The following PKIA variants were observed in gnomAD, a reference collection of about 807,000 sequenced individuals.
PKIA encodes PKI-alpha.
A neutral mutation model predicts 7.6 loss-of-function variants in PKIA; 4 were observed. That is an observed-to-expected ratio of 0.52 (90% CI 0.26 to 1.20). PKIA has a LOEUF of 1.20. PKIA is among the 50% of genes most tolerant of loss of function. PKIA has a pLI of 0.13. For missense variants in PKIA, 73 were observed against 86.2 expected, an observed-to-expected ratio of 0.85 and a Z score of 0.61; for synonymous variants, 21 against 30.7, an observed-to-expected ratio of 0.68 and a Z score of 1.04.
In PKIA at chr8:78,547,053, G is replaced by T. The variant is rs574375707; in HGVS notation, c.-156-25758G>T. ...CATACAGTTAATCATCACAAATACT[G>T]AAGGTTTGAATCAGAAAAGAAAAAA... On this transcript the variant is annotated intron_variant, in intron 1 of 3. Transcript: ENST00000396418. 2.6e-5 allele frequency among the ~76,000 whole-genome samples: 4 copies of T among 152,092 alleles called. No homozygotes were observed. The South Asian group carries it at 8.3e-4, about 32-fold the overall frequency.
chr8:78,569,102 C>T (rs1269100631), intron 1 of PKIA, among the ~76,000 whole-genome samples: 3 of 152,166 alleles, frequency 2.0e-5, no homozygotes, highest in Non-Finnish European at 2.9e-5. Flanking sequence ...CTCTACTTGC[C>T]ATCAGCAACA....
At chr8:78,525,211 A>C (rs549023903) in intron 1 of PKIA, among the ~76,000 whole-genome samples, 1 of 151,942 alleles carries the variant, frequency 6.6e-6, no homozygotes, top group Admixed American at 6.6e-5. Context: ...CAACTATAGC[A>C]GATGGGGACT....
chr8:78,545,384 G>T (rs765402678), intron 1 of PKIA, among the ~76,000 whole-genome samples: 8 of 151,962 alleles, frequency 5.3e-5, no homozygotes, highest in Non-Finnish European at 1.2e-4. Flanking sequence ...AAAAGGCATA[G>T]CTTGGATTTT....
At chr8:78,550,200 A>G (rs761087099) in intron 1 of PKIA, among the ~76,000 whole-genome samples, 19 of 152,078 alleles carry the variant, frequency 1.2e-4, no homozygotes, top group Non-Finnish European at 1.5e-5. Flanking sequence ...ATACTGGAGG[A>G]TATTAGGGTA....
intron 2 of PKIA, among the ~76,000 whole-genome samples, chr8:78,594,386 C>A (rs991702525): frequency 6.6e-6 from 1 of 151,756 alleles, no homozygotes; most frequent in Non-Finnish European, 1.5e-5. Flanking sequence ...AAAGTGAGTC[C>A]TTTCCAGATC....
chr8:78,542,518 T>C (rs1052031793), intron 1 of PKIA, among the ~76,000 whole-genome samples: 12 of 152,178 alleles, frequency 7.9e-5, no homozygotes, highest in African/African-American at 2.7e-4. Context: ...GTCAGAAATG[T>C]AAAAGGCCAA....
chr8:78,520,146 T>A (rs905970996), intron 1 of PKIA, among the ~76,000 whole-genome samples: 1 of 152,182 alleles, frequency 6.6e-6, no homozygotes, highest in African/African-American at 2.4e-5. Context: ...AGAAATAAGT[T>A]ATTTTCCAGA....
At chr8:78,589,447 T>G (rs1808040327) in intron 2 of PKIA, among the ~76,000 whole-genome samples, 1 of 152,222 alleles carries the variant, frequency 6.6e-6, no homozygotes, top group African/African-American at 2.4e-5. Flanking sequence ...TAAAGAGTTC[T>G]CATTTTAAAG....
intron 1 of PKIA, among the ~76,000 whole-genome samples, chr8:78,564,042 A>G (rs193080763): frequency 5.9e-5 from 9 of 152,178 alleles, no homozygotes; most frequent in African/African-American, 2.2e-4. Flanking sequence ...ATGCTAATGG[A>G]TAAATGGATT....
intron 2 of PKIA, among the ~76,000 whole-genome samples, chr8:78,585,730 T>C (rs1265699122): frequency 6.6e-6 from 1 of 152,142 alleles, no homozygotes; most frequent in Non-Finnish European, 1.5e-5. Context: ...ACTTTTTCGA[T>C]TGGAGTAGAT....
chr8:78,560,295 C>T (rs538389631), intron 1 of PKIA, among the ~76,000 whole-genome samples: 74 of 152,278 alleles, frequency 4.9e-4, no homozygotes, highest in Middle Eastern at 6.8e-3. Flanking sequence ...TTATATAACA[C>T]TTTCTTTAAA....
intron 1 of PKIA, among the ~76,000 whole-genome samples, chr8:78,545,858 A>G (rs1051807305): frequency 6.6e-6 from 1 of 152,304 alleles, no homozygotes; most frequent in Admixed American, 6.5e-5. Context: ...TGGAAAGGGC[A>G]TGTTTCATCA....
chr8:78,583,790 G>C (rs1300880672), intron 2 of PKIA, among the ~76,000 whole-genome samples: 1 of 151,996 alleles, frequency 6.6e-6, no homozygotes, highest in East Asian at 1.9e-4. Context: ...ACCCATTTAT[G>C]CCTAGTGTTC....
intron 1 of PKIA, among the ~76,000 whole-genome samples, chr8:78,532,579 T>A (rs1230840971): frequency 6.6e-6 from 1 of 151,780 alleles, no homozygotes; most frequent in Non-Finnish European, 1.5e-5. Context: ...TGAGCCATAT[T>A]TTACTATTGC....
intron 1 of PKIA, among the ~76,000 whole-genome samples, chr8:78,545,712 AG>A: frequency 6.6e-6 from 1 of 152,262 alleles, no homozygotes; most frequent in Non-Finnish European, 1.5e-5. Flanking sequence ...GGAGATTTAA[AG>A]TATTTTTCTG....
At chr8:78,601,621 C>T in intron 3 of PKIA, 121 bp from the exon 4 acceptor site, 5 of 729,762 alleles carry the variant, frequency 6.9e-6, no homozygotes, top group Non-Finnish European at 1.2e-5. Flanking sequence ...TATACTTGTT[C>T]CTTCAAGGTT....
intron 1 of PKIA, among the ~76,000 whole-genome samples, chr8:78,547,671 G>A (rs1806866290): frequency 6.6e-6 from 1 of 152,170 alleles, no homozygotes; most frequent in African/African-American, 2.4e-5. Flanking sequence ...AATTAGGAAA[G>A]TGGTGACTGA....
At position 78,571,846 on chromosome 8, in the gene PKIA, G is replaced by A. The variant is rs538242564; in HGVS notation, c.-156-965G>A. ...GCCTTTCAGGGTCATCACTGGTACA[G>A]ATGCTGAGGGCTGGCTCATTGTCTG... On this transcript the variant is annotated intron_variant, in intron 1 of 3. Transcript: ENST00000396418. Among the ~76,000 whole-genome samples, 15 of 152,212 alleles carry A rather than the reference G, an allele frequency of 9.9e-5. No individual in the cohort carries two copies. In the South Asian group the frequency reaches 2.5e-3, roughly 25 times the overall value.
intron 1 of PKIA, among the ~76,000 whole-genome samples, chr8:78,519,118 T>G (rs1373651962): frequency 2.0e-5 from 3 of 151,792 alleles, no homozygotes; most frequent in South Asian, 4.2e-4. Context: ...CTAAATGAAC[T>G]GCAGGCACTT....
Sources: allele counts gnomAD v4.1 joint callset (sites outside exome capture counted in the v4.1 genomes callset), GRCh38; gene constraint gnomAD v4.1.1; transcripts MANE v1.5; gene names NCBI Gene and HGNC (gene_info 2026-07-23, HGNC 2026-07-21).